Variants in SEMA3A observed in about 807,000 individuals in gnomAD.
SEMA3A encodes semaphorin 3A.
A neutral mutation model predicts 97.9 loss-of-function variants in SEMA3A; 29 were observed. The observed-to-expected ratio is 0.30, with a 90% CI of 0.22 to 0.40. The LOEUF (loss-of-function observed/expected upper bound fraction) is 0.40, where lower values mean the gene tolerates loss of function less well. Ranked by LOEUF, SEMA3A falls within the 10% of genes least tolerant of loss-of-function variation. The pLI, the probability that SEMA3A is intolerant of heterozygous loss-of-function variation, is 1.00. For synonymous variants in SEMA3A, 321 were observed against 323.7 expected (o/e 0.99, Z 0.09); for missense variants, 763 against 951.3 (o/e 0.80, Z 2.60).
chr7:84,446,725 T>C (rs1184255351), intron 1 of SEMA3A, among the ~76,000 whole-genome samples: 1 of 152,122 alleles, frequency 6.6e-6, no homozygotes, highest in Non-Finnish European at 1.5e-5. Context: ...TGAAAGCTTT[T>C]CTCCTAATAT....
chr7:84,274,613 G>T (rs972131512), intron 3 of SEMA3A, among the ~76,000 whole-genome samples: 1 of 151,974 alleles, frequency 6.6e-6, no homozygotes, highest in African/African-American at 2.4e-5. Flanking sequence ...CTACTAGAAT[G>T]CATGTTCATT....
At chr7:84,489,019 G>A (rs902031806) in intron 1 of SEMA3A, 8 of 152,116 alleles carry the variant, frequency 5.3e-5, no homozygotes, top group Admixed American at 3.3e-4. Context: ...CTACCTGTAT[G>A]AGTTTGTTCT....
intron 1 of SEMA3A, among the ~76,000 whole-genome samples, chr7:84,475,194 C>T (rs144141577): frequency 5.6e-4 from 85 of 151,990 alleles, no homozygotes; most frequent in African/African-American, 1.9e-3. Flanking sequence ...TTTAACTATA[C>T]ATATTCAACC....
chr7:84,444,619 T>C (rs913341329), intron 1 of SEMA3A, among the ~76,000 whole-genome samples: 2 of 150,984 alleles, frequency 1.3e-5, no homozygotes, highest in Non-Finnish European at 3.0e-5. Context: ...TGGAGTACAG[T>C]GACGCGATCT....
chr7:84,074,392 A>G (rs1027884882), intron 4 of SEMA3A, among the ~76,000 whole-genome samples: 6 of 152,152 alleles, frequency 3.9e-5, no homozygotes, highest in Non-Finnish European at 7.4e-5. Context: ...TGTAACCCTG[A>G]TCTCTGTCAC....
chr7:84,224,803 C>A (rs755369099), intron 3 of SEMA3A, among the ~76,000 whole-genome samples: 8 of 151,976 alleles, frequency 5.3e-5, no homozygotes, highest in African/African-American at 1.9e-4. Flanking sequence ...TATAGACAGA[C>A]CTTTTTCCCA....
intron 10 of SEMA3A, among the ~76,000 whole-genome samples, chr7:84,006,518 C>A (rs1417993600): frequency 6.6e-6 from 1 of 151,906 alleles, no homozygotes; most frequent in East Asian, 1.9e-4. Context: ...ACTGGCATAA[C>A]CTCACCTCTG....
chr7:84,087,944 T>C (rs1282309169), intron 4 of SEMA3A, among the ~76,000 whole-genome samples: 2 of 152,164 alleles, frequency 1.3e-5, no homozygotes, highest in Non-Finnish European at 2.9e-5. Context: ...TTTGACTCTT[T>C]TTGGAACTAG....
intron 1 of SEMA3A, among the ~76,000 whole-genome samples, chr7:84,382,716 A>T (rs1435788842): frequency 1.0e-5 from 1 of 99,744 alleles, no homozygotes; most frequent in Non-Finnish European, 2.4e-5. Context: ...AAAAAAAAAA[A>T]AAAAAAAAAA....
At chr7:84,134,999 A>G in intron 1 of SEMA3A, 48 bp from the exon 2 acceptor site, 2 of 1,504,132 alleles carry the variant, frequency 1.3e-6, no homozygotes, top group African/African-American at 2.7e-5. Flanking sequence ...GAAGCACTAT[A>G]TAAGCATAGA....
intron 3 of SEMA3A, among the ~76,000 whole-genome samples, chr7:84,249,388 T>TATCTATC (rs1482231798): frequency 6.6e-6 from 1 of 151,560 alleles, no homozygotes; most frequent in African/African-American, 2.4e-5. Flanking sequence ...TCTATCTATC[T>TATCTATC]ATCTATCTAT....
At chr7:84,208,219 A>G (rs890323048) in intron 3 of SEMA3A, among the ~76,000 whole-genome samples, 18 of 152,064 alleles carry the variant, frequency 1.2e-4, no homozygotes, top group African/African-American at 3.6e-4. Context: ...TTGGGAGGCC[A>G]AGGGGGGCAG....
chr7:84,136,048 A>C (rs1796113496), intron 1 of SEMA3A, among the ~76,000 whole-genome samples: 1 of 152,108 alleles, frequency 6.6e-6, no homozygotes, highest in Non-Finnish European at 1.5e-5. Context: ...TGTTTTGCTC[A>C]ATGCACGCAC....
chr7:84,007,625 G>A (rs1452225381), intron 9 of SEMA3A, 128 bp from the exon 10 acceptor site: 5 of 847,838 alleles, frequency 5.9e-6, no homozygotes, highest in East Asian at 3.3e-5. Context: ...TAGCAATAAT[G>A]TTTGGGATTT....
chr7:84,199,083 G>A (rs570275351), upstream of SEMA3A, among the ~76,000 whole-genome samples: 12 of 152,228 alleles, frequency 7.9e-5, no homozygotes, highest in South Asian at 1.5e-3. Context: ...TGTAATTTAA[G>A]AGCAGCGCTG....
At position 84,306,291 on chromosome 7, in the gene SEMA3A, G is replaced by A. The variant is rs994321628; in HGVS notation, c.-83+916C>T. Reference sequence around the variant, plus strand: ...AAATGTATCAGTTCACATTAAATGGGGATAATCATCCAGTTAAATCAAAAG... The same window carrying A: ...AAATGTATCAGTTCACATTAAATGGAGATAATCATCCAGTTAAATCAAAAG... On this transcript the variant is annotated intron_variant, in intron 3 of 3. Coordinates refer to the SEMA3A transcript ENST00000424555. 4 of 151,210 alleles carry A rather than the reference G, an allele frequency of 2.6e-5. No individual in the cohort carries two copies. In the South Asian group the frequency reaches 6.3e-4, roughly 24 times the overall value. The allele number at this position is 151,210 out of a possible 1,614,324, so 9.4% of individuals were successfully genotyped here.
chr7:84,031,416 A>C (rs1316671976), intron 6 of SEMA3A, among the ~76,000 whole-genome samples: 1 of 152,214 alleles, frequency 6.6e-6, no homozygotes, highest in African/African-American at 2.4e-5. Flanking sequence ...TGGCCAAAAA[A>C]TTCTATACAT....
chr7:84,318,706 A>T (rs1462209242), intron 2 of SEMA3A, among the ~76,000 whole-genome samples: 1 of 152,096 alleles, frequency 6.6e-6, no homozygotes, highest in Non-Finnish European at 1.5e-5. Context: ...GTACACTTAT[A>T]TTGCTCAATA....
intron 2 of SEMA3A, among the ~76,000 whole-genome samples, chr7:84,320,360 G>A (rs1012096058): frequency 1.3e-5 from 2 of 151,844 alleles, no homozygotes; most frequent in African/African-American, 2.4e-5. Flanking sequence ...AAAATAATAT[G>A]TTTCTTCCAG....
Sources: allele counts gnomAD v4.1 joint callset (sites outside exome capture counted in the v4.1 genomes callset), GRCh38; gene constraint gnomAD v4.1.1; transcripts MANE v1.5; gene names NCBI Gene and HGNC (gene_info 2026-07-23, HGNC 2026-07-21).